The following UBXN2A variants were observed in gnomAD, a reference collection of about 807,000 sequenced individuals.
UBXN2A encodes UBX domain protein 2A, also known as UBX domain-containing protein 2A.
Under a neutral mutation model 28.4 loss-of-function variants are expected in UBXN2A, and 28 were observed. The observed-to-expected ratio is 0.99, with a 90% CI of 0.73 to 1.35. The LOEUF (loss-of-function observed/expected upper bound fraction) is 1.35. Ranked by LOEUF, UBXN2A falls within the 40% of genes most tolerant of loss-of-function variation. The pLI, the probability that UBXN2A is intolerant of heterozygous loss-of-function variation, is 0.00. For synonymous variants in UBXN2A, 97 were observed against 103.6 expected (o/e 0.94, Z 0.39); for missense variants, 253 against 297.9 (o/e 0.85, Z 1.11).
intron 6 of UBXN2A, among the ~76,000 whole-genome samples, chr2:23,991,824 C>T (rs1708365926): frequency 6.6e-6 from 1 of 151,820 alleles, no homozygotes; most frequent in Non-Finnish European, 1.5e-5. Context: ...ACAGTCTCAA[C>T]TCTGTTGCCT....
intron 1 of UBXN2A, among the ~76,000 whole-genome samples, chr2:23,928,298 T>A (rs1457695498): frequency 6.6e-6 from 1 of 151,876 alleles, no homozygotes; most frequent in Non-Finnish European, 1.5e-5. Context: ...AAATTCACAG[T>A]ACAGGCCGGG....
intron 1 of UBXN2A, among the ~76,000 whole-genome samples, chr2:23,941,993 G>A (rs538467631): frequency 6.6e-6 from 1 of 152,146 alleles, no homozygotes; most frequent in Non-Finnish European, 1.5e-5. Context: ...CAGGAGAATA[G>A]CTTGAGCCGG....
rs369097765 is a variant in UBXN2A, at chr2:23,995,548, C to T, written c.585-4124C>T. 1.1e-4 allele frequency among the ~76,000 whole-genome samples: 17 copies of T among 151,890 alleles called. 2 individuals carry two copies. The highest frequency in any genetic ancestry group is 1.3e-4 in the Admixed American group (2 of 15,230). On this transcript the variant is annotated intron_variant, in intron 6 of 6. Coordinates refer to ENST00000309033, the MANE Select transcript of UBXN2A (RefSeq NM_181713.4). ...CTACTAAAAATACAAAAAAAATTAGCCAGGCGTGGTAGCGGGCGTCTGTAG... is the reference window on the plus strand; with the variant it reads ...CTACTAAAAATACAAAAAAAATTAGTCAGGCGTGGTAGCGGGCGTCTGTAG...
chr2:23,982,842 C>A, intron 4 of UBXN2A, 54 bp from the exon 5 acceptor site: 2 of 1,520,414 alleles, frequency 1.3e-6, no homozygotes, highest in Non-Finnish European at 1.8e-6. Context: ...GAATGTTTTT[C>A]AGAGAAATAA....
chr2:23,984,546 A>G, intron 5 of UBXN2A, 127 bp from the exon 6 acceptor site: 1 of 749,764 alleles, frequency 1.3e-6, no homozygotes, highest in Non-Finnish European at 1.9e-6. Flanking sequence ...ATTACTGAAG[A>G]AACACATATA....
chr2:23,971,152 G>C, intron 2 of UBXN2A, 124 bp from the exon 3 acceptor site: 1 of 1,088,236 alleles, frequency 9.2e-7, no homozygotes, highest in Non-Finnish European at 1.2e-6. Flanking sequence ...TATTAACTTA[G>C]GAGAGGGCCT....
At chr2:23,991,983 T>G (rs1009997900) in intron 6 of UBXN2A, among the ~76,000 whole-genome samples, 1 of 151,910 alleles carries the variant, frequency 6.6e-6, no homozygotes, top group Non-Finnish European at 1.5e-5. Flanking sequence ...TGTTTTGTTT[T>G]GTTTTTTGAG....
At chr2:23,986,241 C>T (rs984444074) in intron 6 of UBXN2A, among the ~76,000 whole-genome samples, 7 of 151,758 alleles carry the variant, frequency 4.6e-5, no homozygotes, top group African/African-American at 7.3e-5. Context: ...ACCCGGAAGG[C>T]GGAGCTTGCA....
intron 4 of UBXN2A, among the ~76,000 whole-genome samples, chr2:23,979,466 C>A (rs1250329704): frequency 6.6e-6 from 1 of 152,080 alleles, no homozygotes; most frequent in African/African-American, 2.4e-5. Flanking sequence ...ACTATGTGTA[C>A]ATTTATTTTT....
chr2:23,948,457 T>G (rs181109094), intron 1 of UBXN2A, among the ~76,000 whole-genome samples: 175 of 151,978 alleles, frequency 1.2e-3, no homozygotes, highest in African/African-American at 4.0e-3. Flanking sequence ...TTCACCATGT[T>G]AGCCAGGCTG....
At chr2:23,996,417 C>T (rs1396183963) in intron 6 of UBXN2A, among the ~76,000 whole-genome samples, 1 of 150,920 alleles carries the variant, frequency 6.6e-6, no homozygotes, top group Non-Finnish European at 1.5e-5. Flanking sequence ...GCTGCATTTG[C>T]ATTCCTATTG....
intron 1 of UBXN2A, among the ~76,000 whole-genome samples, chr2:23,945,079 A>T (rs79326186): frequency 0.013 from 1,916 of 151,904 alleles, 36 homozygotes; most frequent in African/African-American, 0.043. Flanking sequence ...AATACTTATT[A>T]AAAAAAAGGG....
At chr2:23,974,181 A>T (rs541470561) in intron 3 of UBXN2A, among the ~76,000 whole-genome samples, 1 of 144,938 alleles carries the variant, frequency 6.9e-6, no homozygotes, top group African/African-American at 2.6e-5. Context: ...CACCTGGCTA[A>T]TTTTTTTTTG....
At chr2:23,928,810 C>T (rs144220020) in intron 1 of UBXN2A, among the ~76,000 whole-genome samples, 1 of 152,210 alleles carries the variant, frequency 6.6e-6, no homozygotes, top group Non-Finnish European at 1.5e-5. Flanking sequence ...AGTATGGATT[C>T]CAGAATAGAT....
chr2:23,983,334 C>T (rs1159443783), intron 5 of UBXN2A, among the ~76,000 whole-genome samples: 1 of 151,926 alleles, frequency 6.6e-6, no homozygotes, highest in African/African-American at 2.4e-5. Context: ...GGAGAAACCC[C>T]GTCTCTACTA....
At chr2:23,968,319 T>C (rs1031644613) in intron 2 of UBXN2A, among the ~76,000 whole-genome samples, 1 of 152,176 alleles carries the variant, frequency 6.6e-6, no homozygotes, top group African/African-American at 2.4e-5. Flanking sequence ...AGAATAGTTC[T>C]TTATAAGATG....
Position 23,977,143 on chromosome 2 carries a change from T to G in UBXN2A, c.287+68T>G, listed in dbSNP as rs1707702295. The stretch of plus-strand genomic sequence containing the variant: ...CTTTGGCAGGCTGTGGCGAGAGGAT[T>G]GCCTGAGCTCAGGAGTTCAAGGCCA... On this transcript the variant is annotated intron_variant, in intron 4 of 6. Transcript: ENST00000309033. 14 of 1,315,096 alleles carry G rather than the reference T, an allele frequency of 1.1e-5. No individual in the cohort carries two copies. In the South Asian group the frequency reaches 1.6e-4, roughly 15 times the overall value. The allele number at this position is 1,315,096 out of a possible 1,614,324, so 81.5% of individuals were successfully genotyped here. A position where few individuals can be genotyped will look rare whatever the true frequency, so the allele number is the denominator to read the frequency against.
intron 2 of UBXN2A, among the ~76,000 whole-genome samples, chr2:23,964,797 C>A (rs1707096159): frequency 6.6e-6 from 1 of 151,918 alleles, no homozygotes; most frequent in Admixed American, 6.6e-5. Flanking sequence ...TTAGAAAATC[C>A]CTCACCTGAA....
intron 6 of UBXN2A, among the ~76,000 whole-genome samples, chr2:23,987,259 G>A (rs1013705643): frequency 2.6e-5 from 4 of 151,874 alleles, no homozygotes; most frequent in Non-Finnish European, 5.9e-5. Context: ...AAATACATAT[G>A]TACCACCTAC....
Sources: allele counts gnomAD v4.1 joint callset (sites outside exome capture counted in the v4.1 genomes callset), GRCh38; gene constraint gnomAD v4.1.1; transcripts MANE v1.5; gene names NCBI Gene and HGNC (gene_info 2026-07-23, HGNC 2026-07-21).